Variants in MAGED1 observed in about 807,000 individuals in gnomAD.
The protein encoded by MAGED1 is melanoma-associated antigen D1.
MAGED1 carries 3 observed loss-of-function variants against 54.1 expected under a neutral mutation model. The observed-to-expected ratio is 0.06, with a 90% CI of 0.03 to 0.14. MAGED1 has a LOEUF of 0.14. Ranked by LOEUF, MAGED1 falls within the 10% of genes least tolerant of loss-of-function variation. The pLI is 1.00. For synonymous variants in MAGED1, 217 were observed against 227.3 expected (o/e 0.95, Z 0.41); for missense variants, 485 against 623.4 (o/e 0.78, Z 2.36).
chrX:51,812,028 G>T (rs781941416), intron 1 of MAGED1, among the ~76,000 whole-genome samples: 24 of 110,519 alleles, frequency 2.2e-4, no homozygotes, highest in Non-Finnish European at 1.9e-4. Context: ...TGCAACAGCG[G>T]TGCTATGCTA....
At chrX:51,877,939 T>C (rs1049504377) in intron 1 of MAGED1, among the ~76,000 whole-genome samples, 1 of 111,743 alleles carries the variant, frequency 8.9e-6, no homozygotes, top group East Asian at 2.8e-4. Flanking sequence ...TCTATTTTAA[T>C]TGTTGTTAAT....
At chrX:51,884,195 G>A (rs369657790) in intron 1 of MAGED1, among the ~76,000 whole-genome samples, 5 of 110,396 alleles carry the variant, frequency 4.5e-5, no homozygotes, top group East Asian at 2.8e-4. Context: ...AAGAAGATAC[G>A]GTCAAAGAAA....
chrX:51,878,999 A>C (rs1800582668), intron 1 of MAGED1, among the ~76,000 whole-genome samples: 1 of 111,801 alleles, frequency 8.9e-6, no homozygotes, highest in African/African-American at 3.2e-5. Flanking sequence ...TTTGCTTTAA[A>C]GTACTATGTC....
intron 1 of MAGED1, among the ~76,000 whole-genome samples, chrX:51,846,613 C>T (rs1201074619): frequency 8.9e-6 from 1 of 111,856 alleles, no homozygotes; most frequent in Admixed American, 9.5e-5. Flanking sequence ...GCTCACAGTT[C>T]TGCAGGCTGT....
intron 1 of MAGED1, among the ~76,000 whole-genome samples, chrX:51,842,388 T>C (rs12353683): frequency 0.28 from 30,954 of 110,893 alleles, 3,242 homozygotes; most frequent in Middle Eastern, 0.33. Context: ...CTCATGTCTT[T>C]TTTCTCACCT....
intron 1 of MAGED1, among the ~76,000 whole-genome samples, chrX:51,872,499 C>T (rs1275484976): frequency 8.9e-5 from 10 of 112,081 alleles, no homozygotes; most frequent in East Asian, 8.3e-4. Flanking sequence ...TAACTTACAC[C>T]GATTTAGCAT....
chrX:51,839,500 CTG>C (rs1196425016), intron 1 of MAGED1, among the ~76,000 whole-genome samples: 1 of 111,885 alleles, frequency 8.9e-6, no homozygotes, highest in Non-Finnish European at 1.9e-5. Context: ...TAAGAGAAAA[CTG>C]TTTTATAAGA....
chrX:51,843,285 G>T (rs1200102384), intron 1 of MAGED1, among the ~76,000 whole-genome samples: 1 of 111,837 alleles, frequency 8.9e-6, no homozygotes, highest in Non-Finnish European at 1.9e-5. Context: ...TAATTTACAT[G>T]TTACAAGGGA....
intron 1 of MAGED1, among the ~76,000 whole-genome samples, chrX:51,829,337 A>G (rs964244873): frequency 2.7e-4 from 30 of 109,369 alleles, no homozygotes; most frequent in Non-Finnish European, 4.4e-4. Flanking sequence ...GTGTGTGTGT[A>G]TATGTATATA....
intron 1 of MAGED1, among the ~76,000 whole-genome samples, chrX:51,804,893 A>G (rs1557354895): frequency 9.0e-6 from 1 of 111,673 alleles, no homozygotes; most frequent in Non-Finnish European, 1.9e-5. Flanking sequence ...TTTATGTCAT[A>G]GTCTTTGCAT....
At chrX:51,814,548 G>A in intron 1 of MAGED1, among the ~76,000 whole-genome samples, 1 of 111,332 alleles carries the variant, frequency 9.0e-6, no homozygotes, top group Middle Eastern at 4.3e-3. Flanking sequence ...GCAGGTTAGG[G>A]ACCCCGCAGA....
rs145598419 is a variant in MAGED1, at chrX:51,901,929, G to A, written c.2336G>A (p.Ter779=). 25 of 1,199,953 alleles carry A rather than the reference G, an allele frequency of 2.1e-5. No individual in the cohort carries two copies. Among genetic ancestry groups the A allele is most frequent in the Non-Finnish European group, 2.7e-5 (24 of 890,627 alleles). ...FGAIGFFWVE[*] ...GCCATTGGTTTCTTCTGGGTTGAGT[G>A]AGATGTTGGGTAGGTACATCACTTT... The change falls in exon 12 of 13, where the codon TGA becomes TAA. Residue 779 remains the stop codon, a stop_retained_variant. Coordinates refer to ENST00000326587, the MANE Select transcript of MAGED1 (RefSeq NM_006986.4).
At chrX:51,834,380 G>A in intron 1 of MAGED1, among the ~76,000 whole-genome samples, 1 of 111,531 alleles carries the variant, frequency 9.0e-6, no homozygotes, top group East Asian at 2.8e-4. Flanking sequence ...AGCCATTTTT[G>A]GATGTGTCTG....
At chrX:51,803,627 C>CTTTT (rs1179676499) in intron 1 of MAGED1, among the ~76,000 whole-genome samples, 1 of 60,439 alleles carries the variant, frequency 1.7e-5, no homozygotes, top group Non-Finnish European at 3.1e-5. Context: ...AAGGTCAAGG[C>CTTTT]TTTTTTTTTT....
intron 1 of MAGED1, among the ~76,000 whole-genome samples, chrX:51,854,421 G>T (rs1021541954): frequency 8.9e-6 from 1 of 111,842 alleles, no homozygotes; most frequent in African/African-American, 3.2e-5. Flanking sequence ...ACAAGTAGGG[G>T]TTAGAGAACT....
chrX:51,900,664 G>C (rs1047981524), intron 11 of MAGED1, among the ~76,000 whole-genome samples: 5 of 111,374 alleles, frequency 4.5e-5, no homozygotes, highest in Non-Finnish European at 7.5e-5. Context: ...GAGTTTTGCT[G>C]TGTTGCCCAG....
chrX:51,875,938 G>A (rs1163768038), intron 1 of MAGED1, among the ~76,000 whole-genome samples: 1 of 111,450 alleles, frequency 9.0e-6, no homozygotes, highest in African/African-American at 3.3e-5. Context: ...CCAGCCAGGG[G>A]GCTTCCAAGA....
At chrX:51,846,836 C>T (rs1473940938) in intron 1 of MAGED1, among the ~76,000 whole-genome samples, 1 of 111,550 alleles carries the variant, frequency 9.0e-6, no homozygotes, top group African/African-American at 3.3e-5. Context: ...ATGAGAACTC[C>T]ACTCTATGAT....
At chrX:51,841,810 C>A (rs1926501416) in intron 1 of MAGED1, among the ~76,000 whole-genome samples, 1 of 111,906 alleles carries the variant, frequency 8.9e-6, no homozygotes, top group Admixed American at 9.5e-5. Flanking sequence ...TGTTTTGGTA[C>A]CAGTACCGTG....
Sources: allele counts gnomAD v4.1 joint callset (sites outside exome capture counted in the v4.1 genomes callset), GRCh38; gene constraint gnomAD v4.1.1; transcripts MANE v1.5; gene names NCBI Gene and HGNC (gene_info 2026-07-23, HGNC 2026-07-21).